Variants in GALNT1 observed in about 807,000 individuals in gnomAD.
The protein encoded by GALNT1 is polypeptide N-acetylgalactosaminyltransferase 1, also known as GalNAc transferase 1.
GALNT1 carries 17 observed loss-of-function variants against 65.7 expected under a neutral mutation model. That is an observed-to-expected ratio of 0.26 (90% CI 0.18 to 0.39). The LOEUF (loss-of-function observed/expected upper bound fraction) is 0.39, where lower values mean the gene tolerates loss of function less well. Among genes scored for constraint, GALNT1 ranks in the 10% least tolerant of loss-of-function variants. The pLI, the probability that GALNT1 is intolerant of heterozygous loss-of-function variation, is 1.00. For missense variants in GALNT1, 460 were observed against 672.8 expected (o/e 0.68, Z 3.50); for synonymous variants, 210 against 219.7 (o/e 0.96, Z 0.39).
intron 4 of GALNT1, among the ~76,000 whole-genome samples, chr18:35,679,340 T>C (rs1239245048): frequency 2.0e-5 from 3 of 152,228 alleles, no homozygotes; most frequent in African/African-American, 7.2e-5. Flanking sequence ...ATTTCCTCCT[T>C]TGTTTTTCTC....
At position 35,704,624 on chromosome 18, in the gene GALNT1, A is replaced by AT. The variant is rs199969573; in HGVS notation, c.1533+990dup. On this transcript the variant is annotated intron_variant, in intron 11 of 11. Transcript: ENST00000269195. ...TATCTGGCCTGATATTTTCTAATTT[A>AT]TTTTTTTTTATTTTTTATTTTATTT... Among the ~76,000 whole-genome samples the AT allele has an allele frequency of 9.6e-3, 1,390 of 144,850 alleles. 23 individuals carry two copies. The highest frequency in any genetic ancestry group is 0.032 in the African/African-American group (1,237 of 39,240).
At chr18:35,699,760 T>G (rs549987409) in intron 9 of GALNT1, among the ~76,000 whole-genome samples, 25 of 144,888 alleles carry the variant, frequency 1.7e-4, no homozygotes, top group African/African-American at 6.4e-4. Flanking sequence ...ATTTTCCAAA[T>G]TCTGCTGTTT....
intron 5 of GALNT1, among the ~76,000 whole-genome samples, chr18:35,684,514 T>C (rs2047836930): frequency 6.6e-6 from 1 of 152,138 alleles, no homozygotes; most frequent in African/African-American, 2.4e-5. Flanking sequence ...GAATATTTGC[T>C]CGCCTGAAGA....
chr18:35,646,931 C>T (rs1328694509), intron 1 of GALNT1, among the ~76,000 whole-genome samples: 1 of 152,160 alleles, frequency 6.6e-6, no homozygotes, highest in Admixed American at 6.5e-5. Flanking sequence ...CCATCTTCTC[C>T]TCCCCTCCAA....
Position 35,619,707 on chromosome 18 carries a change from C to T in GALNT1, c.-103-34853C>T, listed in dbSNP as rs116898427. Among the ~76,000 whole-genome samples the T allele has an allele frequency of 5.6e-3, 851 of 152,298 alleles. 16 individuals are homozygous for T. The East Asian group carries it at 0.063, about 11-fold the overall frequency. On this transcript the variant is annotated intron_variant, in intron 1 of 11. Transcript: ENST00000269195. ...GACAACAGTGTAGTAACTGTCTGCGCTCAGTAGTGTCGTTGGCAAGCTTCT... is the reference window on the plus strand; with the variant it reads ...GACAACAGTGTAGTAACTGTCTGCGTTCAGTAGTGTCGTTGGCAAGCTTCT...
chr18:35,663,712 T>C lies in GALNT1; in HGVS notation c.224T>C (p.Met75Thr), dbSNP rs1245209846. 1.2e-6 allele frequency: 2 copies of C among 1,614,018 alleles called. No homozygotes were observed. Among genetic ancestry groups the C allele is most frequent in the South Asian group, 2.2e-5 (2 of 91,082 alleles). The change falls in exon 3 of 12, where the codon ATG becomes ACG. Residue 75 changes from methionine (M) to threonine (T), a missense_variant. Transcript: ENST00000269195. Reference sequence around the variant, plus strand: ...ATTCCTAAAGAGGATCAAGAAAAGATGAAAGAGATGTTTAAAATCAATCAG... The same window carrying C: ...ATTCCTAAAGAGGATCAAGAAAAGACGAAAGAGATGTTTAAAATCAATCAG... ...VVIPKEDQEKMKEMFKINQFN... is the reference protein window; with the variant it reads ...VVIPKEDQEKTKEMFKINQFN...
At chr18:35,648,120 G>A (rs757203460) in intron 1 of GALNT1, among the ~76,000 whole-genome samples, 3 of 146,188 alleles carry the variant, frequency 2.1e-5, no homozygotes, top group Non-Finnish European at 4.5e-5. Context: ...GGGAAGGAAA[G>A]AGGGAGGGAA....
intron 1 of GALNT1, among the ~76,000 whole-genome samples, chr18:35,587,525 T>C (rs1396265518): frequency 1.3e-5 from 2 of 152,216 alleles, no homozygotes; most frequent in East Asian, 3.8e-4. Context: ...TTCCTCTCTG[T>C]TCCTATCTTC....
chr18:35,581,560 GAC>G (rs747728673), upstream of GALNT1, among the ~76,000 whole-genome samples: 140,157 of 140,172 alleles, frequency 1, 70,071 homozygotes, highest in Middle Eastern at 1. Flanking sequence ...CCCGCCGCGC[GAC>G]GAGCCCCAAG....
intron 1 of GALNT1, among the ~76,000 whole-genome samples, chr18:35,641,217 G>A (rs1403477956): frequency 6.6e-6 from 1 of 152,180 alleles, no homozygotes; most frequent in Non-Finnish European, 1.5e-5. Flanking sequence ...GGCTGAGGTG[G>A]GAGGATTGCC....
chr18:35,592,082 G>C (rs2046451368), intron 1 of GALNT1, among the ~76,000 whole-genome samples: 1 of 152,118 alleles, frequency 6.6e-6, no homozygotes, highest in South Asian at 2.1e-4. Context: ...AGGTGCAGAT[G>C]AGCATCATCA....
chr18:35,691,257 A>C (rs1202365872), intron 8 of GALNT1, 65 bp downstream of exon 8: 6 of 1,419,012 alleles, frequency 4.2e-6, no homozygotes, highest in Non-Finnish European at 3.8e-6. Flanking sequence ...CTGGAGGAGA[A>C]GTAAGAAGGT....
rs187024907 is a variant in GALNT1, at chr18:35,619,377, A to G, written c.-103-35183A>G. 2.3e-4 allele frequency among the ~76,000 whole-genome samples: 35 copies of G among 152,322 alleles called. No individual in the cohort carries two copies. In the South Asian group the frequency reaches 5.2e-3, roughly 23 times the overall value. ...ATCAGACAGTGTATTAAGGAAAGCA[A>G]TTCTCAAAAGAACCTTCATGCTTAC... On this transcript the variant is annotated intron_variant, in intron 1 of 11. Coordinates refer to ENST00000269195, the MANE Select transcript of GALNT1 (RefSeq NM_020474.4).
intron 4 of GALNT1, among the ~76,000 whole-genome samples, 159 bp downstream of exon 4, chr18:35,677,916 C>T (rs916998198): frequency 2.6e-5 from 4 of 151,934 alleles, no homozygotes; most frequent in Admixed American, 2.0e-4. Context: ...AAAAGTACAC[C>T]CTTGTGAAAC....
intron 6 of GALNT1, among the ~76,000 whole-genome samples, chr18:35,687,391 A>G (rs551374244): frequency 2.6e-5 from 4 of 152,232 alleles, no homozygotes; most frequent in Non-Finnish European, 5.9e-5. Flanking sequence ...TGCTTATTCT[A>G]TAAATCTAGT....
At chr18:35,624,732 A>G (rs2046894847) in intron 1 of GALNT1, among the ~76,000 whole-genome samples, 1 of 151,964 alleles carries the variant, frequency 6.6e-6, no homozygotes, top group South Asian at 2.1e-4. Context: ...TTACCTTTTA[A>G]TTCTCAACAT....
At position 35,581,819 on chromosome 18, in the gene GALNT1, G is replaced by A. The variant is rs2143791455; in HGVS notation, c.-147G>A. ...GGACCGGCCGCGACCGCCGCGGCCG[G>A]CCCGGAGGACGCCTGCCGCCGCCGC... On this transcript the variant is annotated 5_prime_UTR_variant, in exon 1 of 12. Coordinates refer to ENST00000269195, the MANE Select transcript of GALNT1 (RefSeq NM_020474.4). 9.4e-4 allele frequency: 1 copy of A among 1,062 alleles called. No individual in the cohort carries two copies. The highest frequency in any genetic ancestry group is 0.05 in the East Asian group (1 of 20). 0.1% of individuals were successfully genotyped at this position (1,062 alleles called of 1,614,324 possible).
At chr18:35,698,858 C>T (rs2048107246) in intron 9 of GALNT1, among the ~76,000 whole-genome samples, 1 of 152,142 alleles carries the variant, frequency 6.6e-6, no homozygotes, top group South Asian at 2.1e-4. Flanking sequence ...TGGCAGGCGC[C>T]TGTAATCCCA....
intron 1 of GALNT1, among the ~76,000 whole-genome samples, chr18:35,651,899 A>G (rs1214394204): frequency 6.6e-6 from 1 of 152,214 alleles, no homozygotes; most frequent in Non-Finnish European, 1.5e-5. Flanking sequence ...AGAAAGAAAA[A>G]TTATCTGCCA....
Sources: allele counts gnomAD v4.1 joint callset (sites outside exome capture counted in the v4.1 genomes callset), GRCh38; gene constraint gnomAD v4.1.1; transcripts MANE v1.5; gene names NCBI Gene and HGNC (gene_info 2026-07-23, HGNC 2026-07-21).